The following LRP5 variants were observed in gnomAD, a reference collection of about 807,000 sequenced individuals.
The protein encoded by LRP5 is low-density lipoprotein receptor-related protein 5.
LRP5 carries 62 observed loss-of-function variants against 154.1 expected under a neutral mutation model. The ratio of observed to expected loss-of-function variants is 0.40; its 90% CI spans 0.33 to 0.50. The LOEUF (loss-of-function observed/expected upper bound fraction) is 0.50. Ranked by LOEUF, LRP5 falls within the 20% of genes least tolerant of loss-of-function variation. LRP5 has a pLI of 0.55. For missense variants in LRP5, 1,915 were observed against 2,336.7 expected, an observed-to-expected ratio of 0.82 and a Z score of 3.72; for synonymous variants, 966 against 1,011.5, an observed-to-expected ratio of 0.96 and a Z score of 0.85.
chr11:68,429,308 A>G (rs1371422101), intron 16 of LRP5, among the ~76,000 whole-genome samples: 3 of 152,174 alleles, frequency 2.0e-5, no homozygotes, highest in Admixed American at 1.3e-4. Flanking sequence ...TGGTATGGGC[A>G]CAGTAGAGAC....
intron 9 of LRP5, 149 bp downstream of exon 9, chr11:68,406,962 T>TAAAAAAAATGAGCAAGCCTATTTA: frequency 1.7e-6 from 1 of 583,194 alleles, no homozygotes; most frequent in Non-Finnish European, 2.9e-6. Flanking sequence ...CAAGCCTATT[T>TAAAAAAAATGAGCAAGCCTATTTA]AAAAAAAAAA....
intron 12 of LRP5, 47 bp from the exon 13 acceptor site, chr11:68,416,281 T>A (rs746718393): frequency 1.3e-6 from 2 of 1,553,638 alleles, no homozygotes; most frequent in Non-Finnish European, 1.8e-6. Flanking sequence ...CCAGCTCCTC[T>A]GTGGCTTACA....
chr11:68,413,878 C>T lies in LRP5; in HGVS notation c.2693C>T (p.Ser898Phe). 1 of 1,613,312 alleles carries T rather than the reference C, an allele frequency of 6.2e-7. No homozygotes were observed. The highest frequency in any genetic ancestry group is 8.5e-7 in the Non-Finnish European group (1 of 1,180,032). Residue 898 changes from serine (S) to phenylalanine (F), a missense_variant, in exon 12 of 23, where the codon TCC becomes TTC. This residue lies in a region of LRP5 where 1,094 missense variants were observed against 1,210.1 expected (regional missense o/e 0.90). Transcript: ENST00000294304. The surrounding 1 kb of genome is among the most constrained non-coding windows in gnomAD (Gnocchi z 5.1). ...ATGGACATCCTGGTGTTCCACTCCT[C>T]CCGCCAGGATGGCCTCAATGACTGT... ...FVMDILVFHSSRQDGLNDCMH... is the reference protein window; with the variant it reads ...FVMDILVFHSFRQDGLNDCMH...
rs1591341921 is a variant in LRP5, at chr11:68,448,934, A to C, written c.4712A>C (p.Asp1571Ala). Reference protein sequence around the residue: ...KYYLDLNSDSDPYPPPPTPHS... With the variant: ...KYYLDLNSDSAPYPPPPTPHS... Reference sequence around the variant, plus strand: ...TACCTGGATTTGAACTCGGACTCAGACCCCTATCCACCCCCACCCACGCCC... The same window carrying C: ...TACCTGGATTTGAACTCGGACTCAGCCCCCTATCCACCCCCACCCACGCCC... Residue 1571 changes from aspartate to alanine, a missense_variant, in exon 23 of 23, where the codon GAC becomes GCC. Coordinates refer to ENST00000294304, the MANE Select transcript of LRP5 (RefSeq NM_002335.4). 1 of 1,612,888 alleles carries C rather than the reference A, an allele frequency of 6.2e-7. No individual in the cohort carries two copies. Among genetic ancestry groups the C allele is most frequent in the Non-Finnish European group, 8.5e-7 (1 of 1,179,858 alleles).
intron 15 of LRP5, 25 bp from the exon 16 acceptor site, chr11:68,425,953 A>G: frequency 6.2e-7 from 1 of 1,601,906 alleles, no homozygotes; most frequent in South Asian, 1.1e-5. Context: ...AGCACTGCTC[A>G]GGGGGGCCCA....
chr11:68,353,224 G>T lies in LRP5; in HGVS notation c.489-4426G>T, dbSNP rs899116729. On this transcript the variant is annotated intron_variant, in intron 2 of 22. Transcript: ENST00000294304. This position sits in a 1 kb window ranked among gnomAD's most constrained non-coding sequence, Gnocchi z 4.5. ...CCTCCCCAGGATCACACCTGTGGCT[G>T]TTCACTCCCACCCCTGCCCCTGGGG... is the stretch of plus-strand genomic sequence containing the variant. Among the ~76,000 whole-genome samples the T allele has an allele frequency of 1.3e-5, 2 of 152,190 alleles. No homozygotes were observed. Among genetic ancestry groups the T allele is most frequent in the African/African-American group, 2.4e-5 (1 of 41,442 alleles).
In LRP5 at chr11:68,423,937, C is replaced by G. The variant is rs995408210; in HGVS notation, c.3236+240C>G. Among the ~76,000 whole-genome samples the G allele has an allele frequency of 2.6e-5, 4 of 152,200 alleles. No individual in the cohort carries two copies. On this transcript the variant is annotated intron_variant, in intron 14 of 22. Coordinates refer to ENST00000294304, the MANE Select transcript of LRP5 (RefSeq NM_002335.4). The surrounding 1 kb of genome is among the most constrained non-coding windows in gnomAD (Gnocchi z 4.7). Reference sequence around the variant, plus strand: ...TGAGAGGTTACAAGGCAGCGCTGGCCGACGGGAGTTGCAGTTGATAGGTTT... The same window carrying G: ...TGAGAGGTTACAAGGCAGCGCTGGCGGACGGGAGTTGCAGTTGATAGGTTT...
intron 1 of LRP5, among the ~76,000 whole-genome samples, chr11:68,318,818 C>T (rs1212206431): frequency 6.6e-6 from 1 of 152,224 alleles, no homozygotes; most frequent in Admixed American, 6.5e-5. Context: ...GAATCCAGGG[C>T]CCTGCAGGGC....
chr11:68,338,645 G>A (rs35157500), intron 1 of LRP5, among the ~76,000 whole-genome samples: 3,248 of 152,196 alleles, frequency 0.021, 44 homozygotes, highest in Non-Finnish European at 0.032. Flanking sequence ...AGCAGAGTGC[G>A]GGGTGTACTG....
intron 6 of LRP5, among the ~76,000 whole-genome samples, chr11:68,388,346 T>C (rs548193953): frequency 1.3e-5 from 2 of 151,780 alleles, no homozygotes; most frequent in East Asian, 3.9e-4. Context: ...AAGGAAGGGA[T>C]GGGGAAGCTG....
At chr11:68,319,250 T>C (rs1735994720) in intron 1 of LRP5, among the ~76,000 whole-genome samples, 1 of 152,072 alleles carries the variant, frequency 6.6e-6, no homozygotes, top group Admixed American at 6.5e-5. Context: ...GTATTTTTAG[T>C]AGAGACAGGG....
upstream of LRP5, among the ~76,000 whole-genome samples, chr11:68,310,994 C>T (rs142346882): frequency 1.2e-3 from 177 of 152,118 alleles, no homozygotes; most frequent in African/African-American, 4.1e-3. Context: ...CTCACGAGCC[C>T]TGGAGCTTCC....
intron 7 of LRP5, among the ~76,000 whole-genome samples, chr11:68,399,520 T>C (rs1312374384): frequency 6.6e-6 from 1 of 152,254 alleles, no homozygotes; most frequent in Non-Finnish European, 1.5e-5. Context: ...TGCTGACCTC[T>C]GTCCTGGAAA....
chr11:68,402,556 G>A (rs532736513), intron 7 of LRP5, among the ~76,000 whole-genome samples: 32 of 152,082 alleles, frequency 2.1e-4, no homozygotes, highest in Non-Finnish European at 4.0e-4. Context: ...AGGCCCTGCC[G>A]TTGCTCATAA....
Position 68,449,076 on chromosome 11 carries a change from G to C in LRP5, c.*6G>C. 5.9e-6 allele frequency: 9 copies of C among 1,533,610 alleles called. No individual in the cohort carries two copies. The highest frequency in any genetic ancestry group is 7.9e-6 in the Non-Finnish European group (9 of 1,142,080). On this transcript the variant is annotated 3_prime_UTR_variant, in exon 23 of 23. Transcript: ENST00000294304. ...CCTGCACGGACTCATCCTGACCTCG[G>C]CCGGGCCACTCTGGCTTCTCTGTGC...
intron 1 of LRP5, among the ~76,000 whole-genome samples, chr11:68,330,143 G>A (rs1443315930): frequency 1.3e-5 from 2 of 152,170 alleles, no homozygotes; most frequent in South Asian, 2.1e-4. Context: ...GTGTGCATGC[G>A]TGTGTTTGTG....
rs138207107 is a variant in LRP5 at position 68,357,836 on chromosome 11, C to T, written c.675C>T (p.Asp225=). The change falls in exon 3 of 23, where the codon GAC becomes GAT. Residue 225 remains aspartate, a synonymous_variant. Transcript: ENST00000294304. The part of the protein sequence containing the change: ...KLSFIHRANL[D]GSFRQKVVEG... Reference sequence around the variant, plus strand: ...GCTTCATCCACCGTGCCAACCTGGACGGCTCGTTCCGGTAGGTACCCACGC... The same window carrying T: ...GCTTCATCCACCGTGCCAACCTGGATGGCTCGTTCCGGTAGGTACCCACGC... 1,622 of 1,611,826 alleles carry T rather than the reference C, an allele frequency of 1.0e-3. 29 individuals carry two copies. The South Asian group carries it at 0.015, about 15-fold the overall frequency.
intron 4 of LRP5, among the ~76,000 whole-genome samples, chr11:68,364,466 C>G (rs2098629846): frequency 6.6e-6 from 1 of 152,036 alleles, no homozygotes; most frequent in African/African-American, 2.4e-5. Context: ...CAGTGATCCT[C>G]ACACCTTGAC....
intron 8 of LRP5, chr11:68,404,536 T>C: frequency 2.1e-6 from 1 of 485,568 alleles, no homozygotes; most frequent in Non-Finnish European, 4.1e-6. Flanking sequence ...CACAGCCCCG[T>C]GGAAGCCTGG....
Sources: gnomAD v4.1 joint callset for allele counts (sites outside exome capture counted in the v4.1 genomes callset) on GRCh38, gnomAD v4.1.1 for gene constraint, gnomAD v4.1.1 regional missense constraint, Gnocchi (gnomAD v3.1) non-coding constraint, MANE v1.5 for transcripts, NCBI Gene and HGNC (gene_info 2026-07-23, HGNC 2026-07-21) for gene names.